NAV2: variants seen among roughly 807,000 people sequenced by gnomAD.
NAV2 encodes helicase, APC down-regulated 1.
In NAV2, 54 loss-of-function variants were observed where a neutral mutation model predicts 223.2. The ratio of observed to expected loss-of-function variants is 0.24; its 90% CI spans 0.19 to 0.30. The LOEUF is 0.30. NAV2 is among the 10% of genes least tolerant of loss of function. The probability of loss-of-function intolerance (pLI) is 1.00; values close to 1 mark genes in which losing one functional copy is unlikely to be tolerated. For synonymous variants in NAV2, 1,279 were observed against 1,239.3 expected (o/e 1.03, Z -0.67); for missense variants, 2,806 against 3,147.5 (o/e 0.89, Z 2.60).
chr11:19,486,881 A>G (rs1178461111), intron 1 of NAV2, among the ~76,000 whole-genome samples: 2 of 152,168 alleles, frequency 1.3e-5, no homozygotes, highest in African/African-American at 4.8e-5. Context: ...TATCCATTGG[A>G]ACACCTTCTG....
intron 1 of NAV2, among the ~76,000 whole-genome samples, chr11:19,411,011 G>T (rs1454321545): frequency 1.3e-5 from 2 of 152,184 alleles, no homozygotes; most frequent in African/African-American, 4.8e-5. Context: ...GCATGGGAAA[G>T]GCTCCCCTAT....
intron 1 of NAV2, among the ~76,000 whole-genome samples, chr11:19,504,604 A>C (rs912641535): frequency 6.6e-5 from 10 of 152,202 alleles, no homozygotes; most frequent in Non-Finnish European, 1.3e-4. Flanking sequence ...GATACGCTTC[A>C]GGGATGAAAG....
At chr11:20,092,976 C>CCCCCCCCCCCCT in intron 28 of NAV2, 123 bp from the exon 29 acceptor site, 1 of 188,486 alleles carries the variant, frequency 5.3e-6, no homozygotes, top group Non-Finnish European at 1.2e-5. Flanking sequence ...TTCCCCTACC[C>CCCCCCCCCCCCT]CCCCACCCCC....
At chr11:19,695,523 T>A (rs950478501) in intron 1 of NAV2, among the ~76,000 whole-genome samples, 2 of 152,214 alleles carry the variant, frequency 1.3e-5, no homozygotes, top group Admixed American at 6.5e-5. Context: ...TGGGATTGAT[T>A]GGCTGCAGGG....
At chr11:19,922,051 G>A (rs1591255662) in intron 6 of NAV2, among the ~76,000 whole-genome samples, 1 of 152,104 alleles carries the variant, frequency 6.6e-6, no homozygotes, top group Admixed American at 6.6e-5. Flanking sequence ...AAAACAGGCT[G>A]ACTCAATTCC....
At chr11:19,517,225 A>G (rs2043487004) in intron 1 of NAV2, among the ~76,000 whole-genome samples, 1 of 152,124 alleles carries the variant, frequency 6.6e-6, no homozygotes, top group Non-Finnish European at 1.5e-5. Context: ...GCAAAAACTC[A>G]CAGCCACCCT....
rs114333582 is a variant in NAV2 at position 19,441,375 on chromosome 11, C to T, written c.75+90348C>T. Among the ~76,000 whole-genome samples the T allele has an allele frequency of 7.5e-3, 1,146 of 152,086 alleles. 13 individuals carry two copies. Among genetic ancestry groups the T allele is most frequent in the African/African-American group, 0.026 (1,081 of 41,460 alleles). On this transcript the variant is annotated intron_variant, in intron 1 of 37. Transcript: ENST00000360655. Reference sequence around the variant, plus strand: ...AAACATGAGAGATATGTGATCAAATCACATTGGCTGCTGTGAGGAGAACAG... The same window carrying T: ...AAACATGAGAGATATGTGATCAAATTACATTGGCTGCTGTGAGGAGAACAG...
chr11:20,056,077 TC>T, intron 19 of NAV2, 120 bp downstream of exon 19: 1 of 800,194 alleles, frequency 1.2e-6, no homozygotes, highest in Non-Finnish European at 2.0e-6. Flanking sequence ...CTATAAGTGC[TC>T]CCACCTCTCC....
At chr11:20,040,278 C>A (rs1279477830) in intron 12 of NAV2, among the ~76,000 whole-genome samples, 1 of 152,088 alleles carries the variant, frequency 6.6e-6, no homozygotes, top group Admixed American at 6.5e-5. Context: ...TCCCATAATG[C>A]AAGACAAAGG....
At chr11:19,473,297 G>C (rs1182873687) in intron 1 of NAV2, among the ~76,000 whole-genome samples, 1 of 151,760 alleles carries the variant, frequency 6.6e-6, no homozygotes, top group Non-Finnish European at 1.5e-5. Flanking sequence ...TCAGGCTTTA[G>C]ATGGTACAGA....
At chr11:20,103,793 T>C in intron 34 of NAV2, 69 bp downstream of exon 34, 1 of 1,344,154 alleles carries the variant, frequency 7.4e-7, no homozygotes, top group South Asian at 1.2e-5. Context: ...AAGGGGCGGG[T>C]AGAGATGCCT....
intron 1 of NAV2, among the ~76,000 whole-genome samples, chr11:19,482,623 A>G (rs2042314898): frequency 1.3e-5 from 2 of 152,182 alleles, no homozygotes; most frequent in Admixed American, 1.3e-4. Flanking sequence ...GCCCTCCCCA[A>G]TAGTCTTTGC....
chr11:19,658,018 A>G (rs1400631222), intron 1 of NAV2, among the ~76,000 whole-genome samples: 2 of 152,340 alleles, frequency 1.3e-5, no homozygotes, highest in East Asian at 1.9e-4. Flanking sequence ...TCAAGCTCAT[A>G]CTATGTAACA....
chr11:19,602,466 G>T (rs1322718757), intron 1 of NAV2, among the ~76,000 whole-genome samples: 1 of 152,074 alleles, frequency 6.6e-6, no homozygotes, highest in South Asian at 2.1e-4. Context: ...ATGAGCTACC[G>T]CACCCAGCCA....
At chr11:19,880,163 C>T in intron 5 of NAV2, 36 bp downstream of exon 5, 1 of 1,521,666 alleles carries the variant, frequency 6.6e-7, no homozygotes, top group Non-Finnish European at 8.8e-7. Context: ...TTCTGTTTTT[C>T]AGGCACCTTC....
At chr11:19,618,220 G>GGATA (rs2046857250) in intron 1 of NAV2, among the ~76,000 whole-genome samples, 1 of 152,072 alleles carries the variant, frequency 6.6e-6, no homozygotes, top group Non-Finnish European at 1.5e-5. Context: ...ATGGATGGAT[G>GGATA]GATAGATGGA....
At chr11:19,907,995 C>T (rs1202324479) in intron 6 of NAV2, among the ~76,000 whole-genome samples, 1 of 152,176 alleles carries the variant, frequency 6.6e-6, no homozygotes, top group Non-Finnish European at 1.5e-5. Flanking sequence ...TTTCTGTGTT[C>T]CCTTCAGTCT....
At chr11:19,608,754 C>T (rs2046548719) in intron 1 of NAV2, among the ~76,000 whole-genome samples, 1 of 152,230 alleles carries the variant, frequency 6.6e-6, no homozygotes, top group African/African-American at 2.4e-5. Flanking sequence ...TAACAAATTA[C>T]CACTAACTCT....
intron 13 of NAV2, 117 bp from the exon 14 acceptor site, chr11:20,044,851 T>C: frequency 1.3e-6 from 1 of 781,424 alleles, no homozygotes; most frequent in Non-Finnish European, 2.0e-6. Flanking sequence ...AGCTCTTTCC[T>C]CTGCCTCCCC....
Sources: gnomAD v4.1 joint callset for allele counts (sites outside exome capture counted in the v4.1 genomes callset) on GRCh38, gnomAD v4.1.1 for gene constraint, MANE v1.5 for transcripts, NCBI Gene and HGNC (gene_info 2026-07-23, HGNC 2026-07-21) for gene names.